KCND2: variants seen among roughly 807,000 people sequenced by gnomAD.
KCND2 encodes the protein potassium voltage-gated channel subfamily D member 2.
In KCND2, 16 loss-of-function variants were observed where a neutral mutation model predicts 54.4. The ratio of observed to expected loss-of-function variants is 0.29; its 90% CI spans 0.20 to 0.45. The LOEUF is 0.45. Ranked by LOEUF, KCND2 falls within the 20% of genes least tolerant of loss-of-function variation. The pLI, the probability that KCND2 is intolerant of heterozygous loss-of-function variation, is 1.00. For missense variants in KCND2, 486 were observed against 824.2 expected, an observed-to-expected ratio of 0.59 and a Z score of 5.02; for synonymous variants, 317 against 310.7, an observed-to-expected ratio of 1.02 and a Z score of -0.21.
intron 1 of KCND2, among the ~76,000 whole-genome samples, chr7:120,555,147 C>T (rs1792148246): frequency 6.6e-6 from 1 of 152,146 alleles, no homozygotes. Flanking sequence ...GCCTCATATT[C>T]CCAGTGTCTG....
At chr7:120,314,113 A>G (rs997325063) in intron 1 of KCND2, among the ~76,000 whole-genome samples, 38 of 152,122 alleles carry the variant, frequency 2.5e-4, no homozygotes, top group African/African-American at 8.4e-4. Context: ...ACTTGCTTCA[A>G]AAAGAGTCCT....
chr7:120,343,043 T>C (rs914874643), intron 1 of KCND2, among the ~76,000 whole-genome samples: 2 of 152,176 alleles, frequency 1.3e-5, no homozygotes, highest in Admixed American at 1.3e-4. Context: ...TTCATCCTTG[T>C]TGAATCCTCT....
chr7:120,363,188 C>T (rs925420976), intron 1 of KCND2, among the ~76,000 whole-genome samples: 3 of 151,960 alleles, frequency 2.0e-5, no homozygotes, highest in East Asian at 1.9e-4. Flanking sequence ...CATAGCTACT[C>T]GGGTGGCTGA....
At chr7:120,660,796 T>C (rs539924489) in intron 1 of KCND2, among the ~76,000 whole-genome samples, 1 of 152,326 alleles carries the variant, frequency 6.6e-6, no homozygotes, top group Non-Finnish European at 1.5e-5. Context: ...ATATTCCTAT[T>C]GCATAGCTTC....
At chr7:120,543,170 A>G (rs994292687) in intron 1 of KCND2, among the ~76,000 whole-genome samples, 2 of 152,090 alleles carry the variant, frequency 1.3e-5, no homozygotes, top group Middle Eastern at 3.4e-3. Context: ...TATCTAACCG[A>G]TGTTATCTTC....
At chr7:120,710,762 T>C (rs1364903834) in intron 1 of KCND2, among the ~76,000 whole-genome samples, 2 of 152,130 alleles carry the variant, frequency 1.3e-5, no homozygotes, top group Non-Finnish European at 2.9e-5. Flanking sequence ...TTATAAACGT[T>C]GAGGAACTCA....
rs752151419 is a variant in KCND2 at position 120,284,310 on chromosome 7, C to T, written c.1115+8563C>T. ...ACATGCACACGCACACACACACACGCGCGCACACTCCAACCATTCGCTGGT... is the reference window on the plus strand; with the variant it reads ...ACATGCACACGCACACACACACACGTGCGCACACTCCAACCATTCGCTGGT... On this transcript the variant is annotated intron_variant, in intron 1 of 5. Coordinates refer to ENST00000331113, the MANE Select transcript of KCND2 (RefSeq NM_012281.3). Among the ~76,000 whole-genome samples the T allele has an allele frequency of 8.6e-5, 13 of 152,022 alleles. No individual in the cohort carries two copies. The East Asian group carries it at 1.4e-3, about 16-fold the overall frequency.
At chr7:120,284,807 G>T (rs1562996592) in intron 1 of KCND2, among the ~76,000 whole-genome samples, 1 of 152,116 alleles carries the variant, frequency 6.6e-6, no homozygotes, top group Non-Finnish European at 1.5e-5. Flanking sequence ...ACACTGGAGG[G>T]TTCCCCCATT....
At chr7:120,720,995 G>A (rs891920861) in intron 1 of KCND2, among the ~76,000 whole-genome samples, 4 of 152,160 alleles carry the variant, frequency 2.6e-5, no homozygotes, top group Non-Finnish European at 2.9e-5. Context: ...TACTTAGAAT[G>A]TGGGATATAT....
chr7:120,511,967 A>T (rs1803122493), intron 1 of KCND2, among the ~76,000 whole-genome samples: 1 of 152,116 alleles, frequency 6.6e-6, no homozygotes, highest in Non-Finnish European at 1.5e-5. Flanking sequence ...CTTCCTTTTC[A>T]TTCAGTTCTT....
chr7:120,686,272 C>T (rs1327179528), intron 1 of KCND2, among the ~76,000 whole-genome samples: 1 of 152,034 alleles, frequency 6.6e-6, no homozygotes, highest in Non-Finnish European at 1.5e-5. Flanking sequence ...GATACATATG[C>T]CCAGAAGTAG....
intron 1 of KCND2, among the ~76,000 whole-genome samples, chr7:120,485,212 A>G (rs1439351511): frequency 1.3e-5 from 2 of 152,194 alleles, no homozygotes; most frequent in African/African-American, 2.4e-5. Context: ...ATTTGCAGCT[A>G]TTAACATATT....
chr7:120,345,115 T>C (rs1212374549), intron 1 of KCND2, among the ~76,000 whole-genome samples: 1 of 152,126 alleles, frequency 6.6e-6, no homozygotes, highest in Non-Finnish European at 1.5e-5. Context: ...TACTCTAATC[T>C]GAAAACAAAA....
chr7:120,342,009 T>A (rs916602376), intron 1 of KCND2, among the ~76,000 whole-genome samples: 1 of 152,166 alleles, frequency 6.6e-6, no homozygotes, highest in Non-Finnish European at 1.5e-5. Flanking sequence ...TTTTTAAAAC[T>A]GTATTATATT....
At chr7:120,403,444 T>C (rs1380860301) in intron 1 of KCND2, among the ~76,000 whole-genome samples, 1 of 151,552 alleles carries the variant, frequency 6.6e-6, no homozygotes, top group Middle Eastern at 3.4e-3. Context: ...AGCCTCCTGG[T>C]AGCTGGAATT....
intron 1 of KCND2, among the ~76,000 whole-genome samples, chr7:120,636,269 AAGCAC>A (rs1793303832): frequency 6.6e-6 from 1 of 152,086 alleles, no homozygotes; most frequent in South Asian, 2.1e-4. Context: ...TCACGATTAT[AAGCAC>A]AGACAGCAGA....
At chr7:120,436,397 A>T (rs772884837) in intron 1 of KCND2, among the ~76,000 whole-genome samples, 4 of 152,234 alleles carry the variant, frequency 2.6e-5, no homozygotes, top group Admixed American at 6.5e-5. Context: ...TGCAAATATA[A>T]TCCTTAGAAT....
intron 1 of KCND2, among the ~76,000 whole-genome samples, chr7:120,323,342 C>T (rs371009781): frequency 9.2e-5 from 14 of 152,126 alleles, no homozygotes; most frequent in South Asian, 6.2e-4. Context: ...TACATGAGCA[C>T]AACGTGCAGG....
At chr7:120,704,017 C>G (rs2116041781) in intron 1 of KCND2, among the ~76,000 whole-genome samples, 1 of 152,294 alleles carries the variant, frequency 6.6e-6, no homozygotes, top group South Asian at 2.1e-4. Context: ...CAATGGCTAA[C>G]TCGTAGTGAG....
Sources: allele counts gnomAD v4.1 joint callset (sites outside exome capture counted in the v4.1 genomes callset), GRCh38; gene constraint gnomAD v4.1.1; transcripts MANE v1.5; gene names NCBI Gene and HGNC (gene_info 2026-07-23, HGNC 2026-07-21).